Variants in PAX5 observed in about 807,000 individuals in gnomAD.
The protein encoded by PAX5 is paired box 5, also known as paired box protein Pax-5.
In PAX5, 9 loss-of-function variants were observed where a neutral mutation model predicts 43.7. The observed-to-expected ratio is 0.21, with a 90% CI of 0.12 to 0.36. The LOEUF (loss-of-function observed/expected upper bound fraction) is 0.36. Among genes scored for constraint, PAX5 ranks in the 10% least tolerant of loss-of-function variants. The pLI is 1.00. For missense variants in PAX5, 383 were observed against 532.7 expected (o/e 0.72, Z 2.77); for synonymous variants, 228 against 214.3 (o/e 1.06, Z -0.56).
intron 5 of PAX5, among the ~76,000 whole-genome samples, chr9:36,988,662 C>CAAAAA (rs139552622): frequency 4.6e-4 from 48 of 103,532 alleles, no homozygotes; most frequent in African/African-American, 1.8e-3. Context: ...GACCCTGTCT[C>CAAAAA]AAAAAAAAAA....
chr9:36,879,045 G>A (rs189269633), intron 8 of PAX5, among the ~76,000 whole-genome samples: 292 of 152,306 alleles, frequency 1.9e-3, no homozygotes, highest in Middle Eastern at 0.01. Flanking sequence ...CAGGCAGCAG[G>A]CTCCTCTGCC....
In PAX5 at chr9:36,837,081, G is replaced by A. The variant is rs1760267566; in HGVS notation, c.*3479C>T. On this transcript the variant is annotated 3_prime_UTR_variant, in exon 10 of 10. Coordinates refer to ENST00000358127, the MANE Select transcript of PAX5 (RefSeq NM_016734.3). ...TTCTTGCCTGATTGTGGGTCTGGGG[G>A]ATTTCTAGGGAATGGGGGTGGGGGA... 1 of 232,582 alleles carries A rather than the reference G, an allele frequency of 4.3e-6. No individual in the cohort carries two copies. The highest frequency in any genetic ancestry group is 8.5e-6 in the Non-Finnish European group (1 of 117,692). 14.4% of individuals were successfully genotyped at this position (232,582 alleles called of 1,614,324 possible).
intron 8 of PAX5, among the ~76,000 whole-genome samples, chr9:36,868,134 G>A (rs957299971): frequency 6.6e-6 from 1 of 152,248 alleles, no homozygotes; most frequent in Non-Finnish European, 1.5e-5. Flanking sequence ...CATTGTCTCA[G>A]CGTCTTCCTG....
At chr9:36,983,884 G>T (rs1016426358) in intron 5 of PAX5, among the ~76,000 whole-genome samples, 2 of 152,078 alleles carry the variant, frequency 1.3e-5, no homozygotes, top group Non-Finnish European at 2.9e-5. Flanking sequence ...TGCTAAAAAG[G>T]GTATAGCTCT....
At chr9:36,992,103 GCA>G (rs1399575611) in intron 5 of PAX5, among the ~76,000 whole-genome samples, 1 of 151,040 alleles carries the variant, frequency 6.6e-6, no homozygotes, top group African/African-American at 2.4e-5. Context: ...ACACATGCGG[GCA>G]CACACACACC....
At chr9:36,982,404 C>A (rs796209645) in intron 5 of PAX5, among the ~76,000 whole-genome samples, 10 of 152,322 alleles carry the variant, frequency 6.6e-5, no homozygotes, top group African/African-American at 2.4e-4. Flanking sequence ...CAAGCATAGC[C>A]CTGCCAGGGA....
chr9:36,839,311 G>A lies in PAX5; in HGVS notation c.*1249C>T, dbSNP rs1054778309. On this transcript the variant is annotated 3_prime_UTR_variant, in exon 10 of 10. Coordinates refer to ENST00000358127, the MANE Select transcript of PAX5 (RefSeq NM_016734.3). ...GCCCTTGGCCGTGGCCCTGACCATC[G>A]CGGCCCCTTAGATCAACAGGTGGGC... 4.7e-5 allele frequency: 11 copies of A among 233,474 alleles called. No individual in the cohort carries two copies. The highest frequency in any genetic ancestry group is 5.9e-5 in the Non-Finnish European group (7 of 118,184). The allele number at this position is 233,474 out of a possible 1,614,324, so 14.5% of individuals were successfully genotyped here. A position where few individuals can be genotyped will look rare whatever the true frequency, so the allele number is the denominator to read the frequency against.
At chr9:36,969,343 T>C (rs1042368789) in intron 5 of PAX5, among the ~76,000 whole-genome samples, 4 of 151,704 alleles carry the variant, frequency 2.6e-5, no homozygotes, top group African/African-American at 9.7e-5. Context: ...CCCAGAGGAG[T>C]CCTCAGGCTT....
rs140760858 is a variant in PAX5, at chr9:36,925,734, A to G, written c.781-2250T>C. The stretch of plus-strand genomic sequence containing the variant: ...TAGGTCCAGCCAAAAATCCTTGGGA[A>G]CAAGTCTGCCCTTCATGGAAGGAAG... On this transcript the variant is annotated intron_variant, in intron 6 of 9. Transcript: ENST00000358127. 1.6e-3 allele frequency among the ~76,000 whole-genome samples: 247 copies of G among 152,348 alleles called. 1 individual carries two copies. The highest frequency in any genetic ancestry group is 2.6e-3 in the Non-Finnish European group (178 of 68,026).
intron 5 of PAX5, among the ~76,000 whole-genome samples, chr9:36,989,285 C>T (rs766683909): frequency 9.8e-5 from 15 of 152,338 alleles, no homozygotes; most frequent in South Asian, 2.1e-4. Context: ...CAGCCTCATA[C>T]GGATGTCATC....
At chr9:36,946,090 AGGATGCAG>A (rs1832482577) in intron 6 of PAX5, among the ~76,000 whole-genome samples, 3 of 152,030 alleles carry the variant, frequency 2.0e-5, no homozygotes, top group Admixed American at 6.5e-5. Context: ...GTGCTCCGTC[AGGATGCAG>A]TGCTCCATCA....
intron 7 of PAX5, among the ~76,000 whole-genome samples, chr9:36,920,399 C>T (rs537527820): frequency 6.6e-6 from 1 of 152,342 alleles, no homozygotes; most frequent in East Asian, 1.9e-4. Flanking sequence ...CCCCAATCTT[C>T]AGCAACCACC....
intron 8 of PAX5, among the ~76,000 whole-genome samples, chr9:36,855,261 G>C (rs145201444): frequency 6.6e-6 from 1 of 152,198 alleles, no homozygotes; most frequent in African/African-American, 2.4e-5. Context: ...GTTTGAAAGG[G>C]GCAAGTATCA....
chr9:36,933,150 AAAAAAAAAGG>A (rs1333511749), intron 6 of PAX5, among the ~76,000 whole-genome samples: 5 of 151,894 alleles, frequency 3.3e-5, no homozygotes, highest in Admixed American at 2.0e-4. Context: ...TCTCAAAAAA[AAAAAAAAAGG>A]AAAAAAAAGA....
intron 6 of PAX5, 69 bp downstream of exon 6, chr9:36,966,480 T>C: frequency 6.5e-7 from 1 of 1,543,018 alleles, no homozygotes; most frequent in Non-Finnish European, 8.9e-7. Context: ...CAGATGCCTC[T>C]GCCTTCAGGA....
chr9:36,954,667 A>G (rs1053371214), intron 6 of PAX5, among the ~76,000 whole-genome samples: 4 of 152,088 alleles, frequency 2.6e-5, no homozygotes, highest in Non-Finnish European at 5.9e-5. Flanking sequence ...CAATTTCACT[A>G]AAGTTTTGCT....
chr9:36,900,698 T>C (rs1828306825), intron 7 of PAX5, among the ~76,000 whole-genome samples: 1 of 152,074 alleles, frequency 6.6e-6, no homozygotes, highest in African/African-American at 2.4e-5. Flanking sequence ...AGAGTCCCTC[T>C]CCAGCTCTGC....
At chr9:37,004,899 T>C (rs938635493) in intron 4 of PAX5, among the ~76,000 whole-genome samples, 6 of 152,210 alleles carry the variant, frequency 3.9e-5, no homozygotes, top group Non-Finnish European at 4.4e-5. Flanking sequence ...TTATTTCATC[T>C]CTGTAAGTTT....
intron 6 of PAX5, among the ~76,000 whole-genome samples, chr9:36,966,146 G>T (rs968815329): frequency 6.6e-6 from 1 of 152,222 alleles, no homozygotes; most frequent in Admixed American, 6.5e-5. Context: ...CATTGTTCAC[G>T]GCCGGTGAGC....
Sources: gnomAD v4.1 joint callset for allele counts (sites outside exome capture counted in the v4.1 genomes callset) on GRCh38, gnomAD v4.1.1 for gene constraint, MANE v1.5 for transcripts, NCBI Gene and HGNC (gene_info 2026-07-23, HGNC 2026-07-21) for gene names.